The following SP1 variants were observed in gnomAD, a reference collection of about 807,000 sequenced individuals.
SP1 encodes the protein transcription factor Sp1.
Under a neutral mutation model 66.3 loss-of-function variants are expected in SP1, and 6 were observed. That is an observed-to-expected ratio of 0.09 (90% CI 0.05 to 0.18). The LOEUF is 0.18. Ranked by LOEUF, SP1 falls within the 10% of genes least tolerant of loss-of-function variation. SP1 has a pLI of 1.00. For missense variants in SP1, 848 were observed against 964.5 expected, an observed-to-expected ratio of 0.88 and a Z score of 1.60; for synonymous variants, 417 against 360.8, an observed-to-expected ratio of 1.16 and a Z score of -1.77.
At chr12:53,398,918 TC>T (rs1938548166) in intron 3 of SP1, among the ~76,000 whole-genome samples, 1 of 152,208 alleles carries the variant, frequency 6.6e-6, no homozygotes, top group Non-Finnish European at 1.5e-5. Flanking sequence ...TTGGTGAACA[TC>T]CTTCCAGCCA....
rs1276361516 is a variant in SP1, at chr12:53,382,869, G to C, written c.922G>C (p.Ala308Pro). ...PVTSGTTISS[A>P]SLVSSQASSS... ...CACCTCAGGGACTACCATCAGTTCT[G>C]CCAGCTTGGTATCATCACAAGCCAG... Residue 308 changes from alanine (A) to proline (P), a missense_variant, in exon 3 of 6, where the codon GCC (alanine) becomes CCC (proline). By Grantham distance (27) the Ala-to-Pro change is conservative (BLOSUM62 -1). Transcript: ENST00000327443. 1.2e-6 allele frequency: 2 copies of C among 1,614,182 alleles called. No homozygotes were observed. Among genetic ancestry groups the C allele is most frequent in the South Asian group, 2.2e-5 (2 of 91,080 alleles).
chr12:53,396,367 A>G (rs1269343784), intron 3 of SP1, among the ~76,000 whole-genome samples: 1 of 151,834 alleles, frequency 6.6e-6, no homozygotes, highest in Non-Finnish European at 1.5e-5. Context: ...CAAGAGATGG[A>G]GAGCATCCTG....
intron 3 of SP1, among the ~76,000 whole-genome samples, chr12:53,386,024 G>A (rs1302707559): frequency 2.0e-5 from 3 of 152,224 alleles, no homozygotes; most frequent in Admixed American, 6.5e-5. Context: ...ATGATCTAAC[G>A]GGTTGCTTTT....
chr12:53,401,146 T>G (rs1938600214), intron 3 of SP1, among the ~76,000 whole-genome samples: 1 of 152,040 alleles, frequency 6.6e-6, no homozygotes, highest in African/African-American at 2.4e-5. Context: ...TTTTACTTAA[T>G]TCCTAGAAAT....
At position 53,381,816 on chromosome 12, in the gene SP1, A is replaced by G. The variant is rs1271237326; in HGVS notation, c.162+3A>G. 6.2e-7 allele frequency: 1 copy of G among 1,611,326 alleles called. No homozygotes were observed. ...GCAGCACTGGAGGAGGAGGGCAGGT[A>G]AGTGATAATCATAGAGTGGGGAAGG... On this transcript the variant is annotated splice_donor_region_variant and intron_variant, in intron 2 of 5. Transcript: ENST00000327443.
chr12:53,387,635 A>T (rs1938260110), intron 3 of SP1, among the ~76,000 whole-genome samples: 1 of 152,158 alleles, frequency 6.6e-6, no homozygotes, highest in Non-Finnish European at 1.5e-5. Flanking sequence ...GGCTAGTTTT[A>T]CTAGTCTAGG....
rs768944230 is a variant in SP1, at chr12:53,383,541, A to G, written c.1594A>G (p.Ile532Val). ...QLSSMPGLQT[I>V]NLSALGTSGI... ...CTCCTCCATGCCAGGCCTCCAGACC[A>G]TTAACCTCAGTGCATTGGGTACTTC... Residue 532 changes from isoleucine (I) to valine (V), a missense_variant, in exon 3 of 6, where the codon ATT becomes GTT. By Grantham distance (29) the Ile-to-Val change is conservative. Transcript: ENST00000327443. 1.1e-5 allele frequency: 17 copies of G among 1,614,020 alleles called. No homozygotes were observed. Among genetic ancestry groups the G allele is most frequent in the Non-Finnish European group, 1.4e-5 (16 of 1,180,040 alleles).
At chr12:53,380,690 C>T (rs1367275646) in intron 1 of SP1, 3 of 986,052 alleles carry the variant, frequency 3.0e-6, no homozygotes, top group East Asian at 1.1e-4. Flanking sequence ...CTCTGGTCGC[C>T]GCCTGCTCCA....
chr12:53,389,439 C>T (rs1242998784), intron 3 of SP1, among the ~76,000 whole-genome samples: 1 of 151,868 alleles, frequency 6.6e-6, no homozygotes, highest in Non-Finnish European at 1.5e-5. Context: ...GAACTCCTGA[C>T]CTCAGGTGAT....
intron 1 of SP1, chr12:53,380,571 C>A (rs1938062231): frequency 1.2e-6 from 1 of 806,092 alleles, no homozygotes; most frequent in Non-Finnish European, 1.6e-6. Context: ...GGGCCTTACC[C>A]CCCACTACTC....
intron 1 of SP1, 180 bp from the exon 2 acceptor site, chr12:53,381,479 A>G: frequency 2.0e-6 from 1 of 505,240 alleles, no homozygotes; most frequent in Admixed American, 3.7e-5. Flanking sequence ...GGCACATTGA[A>G]CCTAGTTCAT....
At position 53,383,242 on chromosome 12, in the gene SP1, A is replaced by G. The variant is rs1240477564; in HGVS notation, c.1295A>G (p.Gln432Arg). 4 of 1,614,092 alleles carry G rather than the reference A, an allele frequency of 2.5e-6. No homozygotes were observed. The stretch of plus-strand genomic sequence containing the variant: ...ACCTTTACAACTCAAGCCATCTCCC[A>G]GGAAACCCTCCAGAACCTCCAGCTT... ...GQTFTTQAIS[Q>R]ETLQNLQLQA... is the part of the protein sequence containing the mutation. Residue 432 changes from glutamine (Q) to arginine (R), a missense_variant, in exon 3 of 6, where the codon CAG (glutamine) becomes CGG (arginine). Transcript: ENST00000327443.
At position 53,411,747 on chromosome 12, in the gene SP1, G is replaced by C. The variant is rs1251541921; in HGVS notation, c.*507G>C. On this transcript the variant is annotated 3_prime_UTR_variant, in exon 6 of 6. Coordinates refer to ENST00000327443, the MANE Select transcript of SP1 (RefSeq NM_138473.3). ...GACCATTCTGTGACCAAAATACCTTGGTCATTTTTTTTATATTGCCTTATT... is the reference window on the plus strand; with the variant it reads ...GACCATTCTGTGACCAAAATACCTTCGTCATTTTTTTTATATTGCCTTATT... The C allele has an allele frequency of 6.6e-6, 1 of 151,198 alleles. No individual in the cohort carries two copies. The highest frequency in any genetic ancestry group is 1.5e-5 in the Non-Finnish European group (1 of 67,790). 9.4% of individuals were successfully genotyped at this position (151,198 alleles called of 1,614,324 possible).
Position 53,382,446 on chromosome 12 carries a change from G to A in SP1, c.499G>A (p.Val167Met), listed in dbSNP as rs1191856125. 1 of 1,614,200 alleles carries A rather than the reference G, an allele frequency of 6.2e-7. No homozygotes were observed. Among genetic ancestry groups the A allele is most frequent in the African/African-American group, 1.3e-5 (1 of 75,056 alleles). The change falls in exon 3 of 6, where the codon GTG (valine) becomes ATG (methionine). Residue 167 changes from valine to methionine, a missense_variant. Transcript: ENST00000327443. ...NQQVLTGLPG[V>M]MPNIQYQVIP... ...GCAAGTTCTGACAGGACTACCTGGA[G>A]TGATGCCTAATATTCAGTATCAAGT...
At chr12:53,404,563 A>G (rs1021721119) in intron 3 of SP1, among the ~76,000 whole-genome samples, 1 of 151,490 alleles carries the variant, frequency 6.6e-6, no homozygotes, top group Non-Finnish European at 1.5e-5. Flanking sequence ...AAAAAAGAAT[A>G]TTATCTGTCA....
rs950692169 is a variant in SP1, at chr12:53,414,234, C to G, written c.*2994C>G. Reference sequence around the variant, plus strand: ...TTTTAGATGACCAAAACTTGCAGGGCAGGGGATGCCCAGAAGAGTGGTGAG... The same window carrying G: ...TTTTAGATGACCAAAACTTGCAGGGGAGGGGATGCCCAGAAGAGTGGTGAG... On this transcript the variant is annotated 3_prime_UTR_variant, in exon 6 of 6. Coordinates refer to ENST00000327443, the MANE Select transcript of SP1 (RefSeq NM_138473.3). The G allele has an allele frequency of 3.3e-5, 5 of 152,406 alleles. No homozygotes were observed. The highest frequency in any genetic ancestry group is 1.2e-4 in the African/African-American group (5 of 41,380). 9.4% of individuals were successfully genotyped at this position (152,406 alleles called of 1,614,324 possible).
rs74514633 is a variant in SP1, at chr12:53,400,760, T to A, written c.1676-5825T>A. On this transcript the variant is annotated intron_variant, in intron 3 of 5. Transcript: ENST00000327443. ...TGTACCACCACACTGGGCTAATTTTTTTTTTTTTTTTTTTTTTTTGAGACA... is the reference window on the plus strand; with the variant it reads ...TGTACCACCACACTGGGCTAATTTTATTTTTTTTTTTTTTTTTTTGAGACA... Among the ~76,000 whole-genome samples the A allele has an allele frequency of 5.1e-5, 5 of 97,408 alleles. No homozygotes were observed. In the East Asian group the frequency reaches 1.2e-3, roughly 24 times the overall value. 63.9% of individuals were successfully genotyped at this position (97,408 alleles called of 152,430 possible). A position where few individuals can be genotyped will look rare whatever the true frequency, so the allele number is the denominator to read the frequency against.
At chr12:53,386,248 G>C (rs1400575813) in intron 3 of SP1, among the ~76,000 whole-genome samples, 1 of 151,952 alleles carries the variant, frequency 6.6e-6, no homozygotes, top group Non-Finnish European at 1.5e-5. Context: ...ACTGTGTGTG[G>C]TTAGGAAGGG....
chr12:53,403,894 G>A (rs1289506478), intron 3 of SP1, among the ~76,000 whole-genome samples: 1 of 151,844 alleles, frequency 6.6e-6, no homozygotes, highest in Non-Finnish European at 1.5e-5. Flanking sequence ...AGGAAAGGCC[G>A]GGCACGGTGG....
Sources: allele counts gnomAD v4.1 joint callset (sites outside exome capture counted in the v4.1 genomes callset), GRCh38; gene constraint gnomAD v4.1.1; transcripts MANE v1.5; gene names NCBI Gene and HGNC (gene_info 2026-07-23, HGNC 2026-07-21).